GFOD2: variants seen among roughly 807,000 people sequenced by gnomAD.
GFOD2 encodes glucose-fructose oxidoreductase domain-containing protein 2.
GFOD2 carries 9 observed loss-of-function variants against 24.6 expected under a neutral mutation model. That is an observed-to-expected ratio of 0.37 (90% confidence interval 0.22 to 0.64). GFOD2 has a LOEUF of 0.64. GFOD2 is among the 30% of genes least tolerant of loss of function. The probability of loss-of-function intolerance (pLI) is 0.65; values close to 1 mark genes in which losing one functional copy is unlikely to be tolerated. For missense variants in GFOD2, 476 were observed against 532.5 expected, an observed-to-expected ratio of 0.89 and a Z score of 1.04; for synonymous variants, 211 against 224.8, an observed-to-expected ratio of 0.94 and a Z score of 0.55.
intron 1 of GFOD2, among the ~76,000 whole-genome samples, chr16:67,707,991 G>A (rs1020688132): frequency 2.0e-5 from 3 of 152,128 alleles, no homozygotes; most frequent in African/African-American, 4.8e-5. Flanking sequence ...CGGCAGTGGC[G>A]GTGGTGGCTG....
chr16:67,712,918 G>A (rs575773043), intron 1 of GFOD2, among the ~76,000 whole-genome samples: 7 of 117,714 alleles, frequency 5.9e-5, no homozygotes, highest in Non-Finnish European at 8.0e-5. Context: ...GAGATGTGGG[G>A]AGCACCTCTG....
chr16:67,696,013 CCT>C (rs1002109421), intron 1 of GFOD2, among the ~76,000 whole-genome samples: 3 of 151,482 alleles, frequency 2.0e-5, no homozygotes, highest in African/African-American at 7.3e-5. Flanking sequence ...CATAGGGAAC[CCT>C]TTTTTTTTTT....
chr16:67,693,015 T>G (rs553681149), intron 1 of GFOD2, among the ~76,000 whole-genome samples: 4 of 151,698 alleles, frequency 2.6e-5, no homozygotes, highest in African/African-American at 9.7e-5. Context: ...GGGCGACAGA[T>G]TGAGACTCTG....
intron 1 of GFOD2, among the ~76,000 whole-genome samples, chr16:67,703,415 A>G (rs1278011844): frequency 6.6e-6 from 1 of 151,382 alleles, no homozygotes; most frequent in Admixed American, 6.6e-5. Flanking sequence ...AACAAAACAA[A>G]ACAAAACAAA....
intron 2 of GFOD2, chr16:67,681,890 C>G: frequency 1.0e-6 from 1 of 985,318 alleles, no homozygotes; most frequent in Non-Finnish European, 1.2e-6. Flanking sequence ...ATTGGAGAAG[C>G]TGAAATCTGC....
At chr16:67,679,236 C>CTT (rs113508363) in intron 2 of GFOD2, among the ~76,000 whole-genome samples, 1 of 139,540 alleles carries the variant, frequency 7.2e-6, no homozygotes, top group Non-Finnish European at 1.6e-5. Flanking sequence ...TTTTTTTTTT[C>CTT]TTTTTTTTTT....
chr16:67,712,802 C>T (rs1477598322), intron 1 of GFOD2, among the ~76,000 whole-genome samples: 2 of 104,246 alleles, frequency 1.9e-5, no homozygotes, highest in Non-Finnish European at 3.5e-5. Context: ...AAGTGAGGAG[C>T]GTCTCTGCCC....
intron 2 of GFOD2, chr16:67,681,808 G>A (rs1413120627): frequency 1.0e-6 from 1 of 985,160 alleles, no homozygotes; most frequent in African/African-American, 1.7e-5. Context: ...GCTGTACAGA[G>A]TCTTTGGGTA....
chr16:67,694,203 G>A (rs988129167), intron 1 of GFOD2, among the ~76,000 whole-genome samples: 7 of 151,990 alleles, frequency 4.6e-5, no homozygotes, highest in African/African-American at 7.3e-5. Context: ...CACCATGTTC[G>A]CCAGGCTGGT....
chr16:67,709,887 C>T (rs1355856039), intron 1 of GFOD2, among the ~76,000 whole-genome samples: 1 of 152,106 alleles, frequency 6.6e-6, no homozygotes, highest in Non-Finnish European at 1.5e-5. Context: ...CTCAGCCTCC[C>T]AAAGTGTTGG....
chr16:67,704,287 G>C (rs1427601035), intron 1 of GFOD2, among the ~76,000 whole-genome samples: 4 of 152,142 alleles, frequency 2.6e-5, no homozygotes, highest in Non-Finnish European at 5.9e-5. Flanking sequence ...GTCCCTACCA[G>C]CTTTGTGTCA....
intron 1 of GFOD2, among the ~76,000 whole-genome samples, chr16:67,715,043 T>C (rs1346294399): frequency 6.6e-6 from 1 of 152,136 alleles, no homozygotes; most frequent in South Asian, 2.1e-4. Context: ...TCCTTCTTAA[T>C]GTTTAATCCA....
intron 1 of GFOD2, among the ~76,000 whole-genome samples, chr16:67,688,157 T>C (rs546548891): frequency 4.9e-4 from 75 of 152,106 alleles, no homozygotes; most frequent in African/African-American, 1.7e-3. Flanking sequence ...TTCACCACAT[T>C]GTCACTGAAA....
At chr16:67,714,348 G>A (rs926911020) in intron 1 of GFOD2, among the ~76,000 whole-genome samples, 3 of 151,344 alleles carry the variant, frequency 2.0e-5, no homozygotes, top group Non-Finnish European at 4.4e-5. Context: ...GCATGAAGGC[G>A]CACACCTGTA....
rs1317901895 is a variant in GFOD2 at position 67,675,730 on chromosome 16, C to T, written c.583G>A (p.Glu195Lys). ...GTCTTGAGCAGCCCGTGCACCTTCT[C>T]GGCTCTCCGGCCGGTCAGGTGGGTC... ...LLTHLTGRRAEKVHGLLKTFV... is the reference protein window; with the variant it reads ...LLTHLTGRRAKKVHGLLKTFV... The change falls in exon 3 of 3, where the codon GAG becomes AAG. Residue 195 changes from glutamate to lysine, a missense_variant. Coordinates refer to ENST00000268797, the MANE Select transcript of GFOD2 (RefSeq NM_030819.4). 1.2e-5 allele frequency: 19 copies of T among 1,613,984 alleles called. No individual in the cohort carries two copies. Among genetic ancestry groups the T allele is most frequent in the Admixed American group, 1.7e-5 (1 of 60,018 alleles).
intron 1 of GFOD2, among the ~76,000 whole-genome samples, chr16:67,691,760 T>C (rs2142994996): frequency 6.6e-6 from 1 of 152,246 alleles, no homozygotes; most frequent in African/African-American, 2.4e-5. Context: ...CTCCACTGAT[T>C]AGTGAATGAA....
In GFOD2 at chr16:67,675,127, C is replaced by T; in HGVS notation, c.*28G>A. On this transcript the variant is annotated 3_prime_UTR_variant, in exon 3 of 3. Coordinates refer to ENST00000268797, the MANE Select transcript of GFOD2 (RefSeq NM_030819.4). ...CCTGTTCCCCTCCCTGGTCCCTCTG[C>T]CCTGTGGCAAGGAGCCCAGGTGCAG... The T allele has an allele frequency of 6.3e-7, 1 of 1,589,530 alleles. No individual in the cohort carries two copies. Among genetic ancestry groups the T allele is most frequent in the Non-Finnish European group, 8.6e-7 (1 of 1,166,078 alleles).
intron 1 of GFOD2, among the ~76,000 whole-genome samples, chr16:67,700,661 G>T (rs1335996913): frequency 6.6e-6 from 1 of 150,924 alleles, no homozygotes; most frequent in East Asian, 1.9e-4. Flanking sequence ...GCAGTGAACT[G>T]AGATTGTGCC....
intron 1 of GFOD2, among the ~76,000 whole-genome samples, chr16:67,696,196 G>C (rs1210895607): frequency 6.6e-6 from 1 of 151,756 alleles, no homozygotes; most frequent in Non-Finnish European, 1.5e-5. Flanking sequence ...TGTATTTTTA[G>C]TAGAGACGGG....
Sources: gnomAD v4.1 joint callset for allele counts (sites outside exome capture counted in the v4.1 genomes callset) on GRCh38, gnomAD v4.1.1 for gene constraint, MANE v1.5 for transcripts, NCBI Gene and HGNC (gene_info 2026-07-23, HGNC 2026-07-21) for gene names.